Variants in WDR64 observed in about 807,000 individuals in gnomAD.
WDR64 encodes the protein WD repeat-containing protein 64.
WDR64 carries 112 observed loss-of-function variants against 139.3 expected under a neutral mutation model. That is an observed-to-expected ratio of 0.80 (90% CI 0.69 to 0.94). The LOEUF (loss-of-function observed/expected upper bound fraction) is 0.94. Among genes scored for constraint, WDR64 ranks in the 40% least tolerant of loss-of-function variants. WDR64 has a pLI of 0.00. For synonymous variants in WDR64, 444 were observed against 437.7 expected, an observed-to-expected ratio of 1.01 and a Z score of -0.18; for missense variants, 1,206 against 1,293.1, an observed-to-expected ratio of 0.93 and a Z score of 1.03.
intron 15 of WDR64, among the ~76,000 whole-genome samples, chr1:241,758,148 TG>T (rs1670278942): frequency 6.6e-6 from 1 of 152,176 alleles, no homozygotes; most frequent in African/African-American, 2.4e-5. Context: ...TTTTGCTGAT[TG>T]CACCCTCATG....
At chr1:241,758,659 G>C (rs188903038) in intron 15 of WDR64, among the ~76,000 whole-genome samples, 8 of 152,128 alleles carry the variant, frequency 5.3e-5, no homozygotes, top group Admixed American at 5.2e-4. Context: ...TATTATTATT[G>C]ATGCCCAAAC....
rs1239392102 is a variant in WDR64, at chr1:241,741,533, A to G, written c.1339A>G (p.Met447Val). The G allele has an allele frequency of 1.9e-6, 3 of 1,610,982 alleles. No individual in the cohort carries two copies. Among genetic ancestry groups the G allele is most frequent in the Non-Finnish European group, 2.5e-6 (3 of 1,179,204 alleles). ...TGTTCCAGGATCTAGTGTTATGGAC[A>G]TGTATCCTTTGACTAGGATGATACA... ...MLITGSSVMDMYPLTRMIQDT... is the reference protein window; with the variant it reads ...MLITGSSVMDVYPLTRMIQDT... The change falls in exon 12 of 28, where the codon ATG becomes GTG. Residue 447 changes from methionine (M) to valine (V), a missense_variant. Physicochemically the swap from Met to Val is conservative, Grantham distance 21. Transcript: ENST00000437684.
chr1:241,749,900 A>G (rs1289744083), intron 14 of WDR64, among the ~76,000 whole-genome samples, 178 bp downstream of exon 14: 1 of 152,138 alleles, frequency 6.6e-6, no homozygotes, highest in African/African-American at 2.4e-5. Flanking sequence ...CAAAGAGCAA[A>G]AAACAATCGC....
intron 1 of WDR64, among the ~76,000 whole-genome samples, chr1:241,655,258 C>A (rs150120515): frequency 1.7e-4 from 26 of 152,232 alleles, no homozygotes; most frequent in African/African-American, 6.0e-4. Flanking sequence ...TGACGTGTGC[C>A]TGTAGTCCCA....
intron 13 of WDR64, among the ~76,000 whole-genome samples, chr1:241,746,777 T>G (rs1669776399): frequency 6.8e-6 from 1 of 146,282 alleles, no homozygotes; most frequent in Non-Finnish European, 1.5e-5. Flanking sequence ...TTTTTTTTTG[T>G]GATGGAGTCT....
At chr1:241,721,153 T>C (rs192855272) in intron 9 of WDR64, among the ~76,000 whole-genome samples, 11 of 152,334 alleles carry the variant, frequency 7.2e-5, no homozygotes, top group Admixed American at 5.2e-4. Flanking sequence ...CATTGGTCTA[T>C]GTGTCTCTTT....
intron 11 of WDR64, among the ~76,000 whole-genome samples, chr1:241,740,958 AGTG>A (rs1669518097): frequency 6.6e-6 from 1 of 152,366 alleles, no homozygotes; most frequent in Non-Finnish European, 1.5e-5. Flanking sequence ...TCTACTTTAC[AGTG>A]GTGATTTAGA....
chr1:241,711,172 G>A (rs1668148781), intron 8 of WDR64, among the ~76,000 whole-genome samples: 1 of 151,734 alleles, frequency 6.6e-6, no homozygotes, highest in Admixed American at 6.6e-5. Context: ...GGGAGACAGA[G>A]GTTACAGTGA....
chr1:241,676,259 A>C (rs1435384703), intron 4 of WDR64: 2 of 152,156 alleles, frequency 1.3e-5, no homozygotes, highest in Admixed American at 6.5e-5. Context: ...CGTGTTATTT[A>C]ATATCTGCAT....
intron 15 of WDR64, among the ~76,000 whole-genome samples, chr1:241,762,305 C>CTTT (rs60911392): frequency 6.7e-6 from 1 of 150,058 alleles, no homozygotes; most frequent in African/African-American, 2.4e-5. Flanking sequence ...TGAAAGGAAT[C>CTTT]TTTTTTTTTT....
chr1:241,683,864 T>TACTC (rs1666911721), intron 7 of WDR64, among the ~76,000 whole-genome samples, 163 bp downstream of exon 7: 1 of 145,476 alleles, frequency 6.9e-6, no homozygotes, highest in African/African-American at 2.5e-5. Context: ...TGTTCATGTA[T>TACTC]ACACACACAC....
intron 8 of WDR64, among the ~76,000 whole-genome samples, chr1:241,708,505 G>A (rs892029088): frequency 6.6e-6 from 1 of 151,958 alleles, no homozygotes; most frequent in Non-Finnish European, 1.5e-5. Flanking sequence ...CTAGAGACAG[G>A]GTTTCACCAT....
intron 22 of WDR64, among the ~76,000 whole-genome samples, chr1:241,781,591 C>T (rs1336986957): frequency 6.8e-6 from 1 of 146,922 alleles, no homozygotes; most frequent in East Asian, 1.9e-4. Context: ...TACAGACATT[C>T]TGAAAGATAA....
intron 22 of WDR64, among the ~76,000 whole-genome samples, chr1:241,782,447 A>C (rs1047660961): frequency 1.3e-5 from 2 of 152,230 alleles, no homozygotes; most frequent in Admixed American, 1.3e-4. Context: ...CTAAACTGCC[A>C]GGACTGTCAT....
chr1:241,749,746 G>C (rs773018301), intron 14 of WDR64, 24 bp downstream of exon 14: 1 of 1,577,162 alleles, frequency 6.3e-7, no homozygotes, highest in Non-Finnish European at 8.6e-7. Context: ...CTTCATACTC[G>C]TACTGCAGGT....
In WDR64 at chr1:241,730,970, C is replaced by G. The variant is rs979522588; in HGVS notation, c.1195-7393C>G. ...AATCTTCTCAAAAGGCAAGGTTGATCTGGTATATCTCTCAAAACTCAAAAT... is the reference window on the plus strand; with the variant it reads ...AATCTTCTCAAAAGGCAAGGTTGATGTGGTATATCTCTCAAAACTCAAAAT... On this transcript the variant is annotated intron_variant, in intron 10 of 27. Transcript: ENST00000437684. Among the ~76,000 whole-genome samples, 61 of 152,126 alleles carry G rather than the reference C, an allele frequency of 4.0e-4. 1 individual carries two copies. The highest frequency in any genetic ancestry group is 1.6e-4 in the Non-Finnish European group (11 of 68,024).
At chr1:241,799,004 C>A (rs1659443714) in intron 27 of WDR64, among the ~76,000 whole-genome samples, 1 of 151,740 alleles carries the variant, frequency 6.6e-6, no homozygotes, top group South Asian at 2.1e-4. Context: ...GGAAACATGT[C>A]CAATCATGCA....
chr1:241,679,057 C>CT (rs1431929378), intron 5 of WDR64, among the ~76,000 whole-genome samples: 1 of 152,070 alleles, frequency 6.6e-6, no homozygotes, highest in Admixed American at 6.6e-5. Flanking sequence ...AGAAATTCTC[C>CT]TTGGGCTCCA....
chr1:241,653,518 TAC>T (rs1665444687), intron 1 of WDR64, among the ~76,000 whole-genome samples: 1 of 151,276 alleles, frequency 6.6e-6, no homozygotes, highest in African/African-American at 2.4e-5. Context: ...TTGCCCAAGT[TAC>T]CCAAATTCTT....
Sources: allele counts gnomAD v4.1 joint callset (sites outside exome capture counted in the v4.1 genomes callset), GRCh38; gene constraint gnomAD v4.1.1; transcripts MANE v1.5; gene names NCBI Gene and HGNC (gene_info 2026-07-23, HGNC 2026-07-21).